Variants in IFFO2 observed in about 807,000 individuals in gnomAD.
IFFO2 encodes the protein intermediate filament family orphan 2.
IFFO2 carries 19 observed loss-of-function variants against 53.5 expected under a neutral mutation model. That is an observed-to-expected ratio of 0.36 (90% CI 0.25 to 0.52). The LOEUF (loss-of-function observed/expected upper bound fraction) is 0.52. Among genes scored for constraint, IFFO2 ranks in the 20% least tolerant of loss-of-function variants. The pLI is 0.94. For synonymous variants in IFFO2, 303 were observed against 313.6 expected (o/e 0.97, Z 0.36); for missense variants, 570 against 727.4 (o/e 0.78, Z 2.49).
intron 1 of IFFO2, among the ~76,000 whole-genome samples, chr1:18,926,305 G>A (rs192797658): frequency 2.2e-4 from 34 of 152,274 alleles, no homozygotes; most frequent in Admixed American, 2.0e-3. Flanking sequence ...TCATCCATTC[G>A]GCTCCAGAGC....
At chr1:18,937,408 G>C (rs1307280544) in intron 1 of IFFO2, among the ~76,000 whole-genome samples, 1 of 152,178 alleles carries the variant, frequency 6.6e-6, no homozygotes, top group African/African-American at 2.4e-5. Context: ...TTAATCCCAG[G>C]CTCCTGTCAT....
In IFFO2 at chr1:18,930,561, C is replaced by T. The variant is rs1464577480; in HGVS notation, c.666-9440G>A. 2.6e-5 allele frequency among the ~76,000 whole-genome samples: 4 copies of T among 152,356 alleles called. No individual in the cohort carries two copies. The East Asian group carries it at 7.7e-4, about 29-fold the overall frequency. On this transcript the variant is annotated intron_variant, in intron 1 of 8. Coordinates refer to ENST00000455833, the MANE Select transcript of IFFO2 (RefSeq NM_001136265.2). ...TCACCGTCCACACCCCATAGACATA[C>T]CCCAGGAACTAATGGGCATGCCCAG...
At chr1:18,929,959 C>A (rs960573622) in intron 1 of IFFO2, among the ~76,000 whole-genome samples, 1 of 152,214 alleles carries the variant, frequency 6.6e-6, no homozygotes, top group Admixed American at 6.5e-5. Flanking sequence ...CACAAAGCCG[C>A]CTGACAAACC....
At chr1:18,926,800 G>A (rs192350117) in intron 1 of IFFO2, among the ~76,000 whole-genome samples, 197 of 152,110 alleles carry the variant, frequency 1.3e-3, no homozygotes, top group Non-Finnish European at 2.4e-3. Flanking sequence ...ACAGAGGGGC[G>A]GAAACCCAAG....
chr1:18,919,679 T>C lies in IFFO2; in HGVS notation c.821A>G (p.Asp274Gly), dbSNP rs1213094972. 1 of 1,550,392 alleles carries C rather than the reference T, an allele frequency of 6.4e-7. No individual in the cohort carries two copies. Among genetic ancestry groups the C allele is most frequent in the Admixed American group, 2.0e-5 (1 of 50,988 alleles). ...CCAGGGGCGGCGGGCGGCACTTACGTCACTCATAAGCCCCTTAAACACCAC... is the reference window on the plus strand; with the variant it reads ...CCAGGGGCGGCGGGCGGCACTTACGCCACTCATAAGCCCCTTAAACACCAC... ...ELVVFKGLMS[D>G]PMTDLDTKIQ... Residue 274 changes from aspartate to glycine, a missense_variant and splice_region_variant, in exon 3 of 9, where the codon GAC (aspartate) becomes GGC (glycine). Transcript: ENST00000455833. The surrounding 1 kb of genome is among the most constrained non-coding windows in gnomAD (Gnocchi z 4.9).
chr1:18,941,470 AC>A (rs1936519707), intron 1 of IFFO2, among the ~76,000 whole-genome samples: 1 of 152,332 alleles, frequency 6.6e-6, no homozygotes, highest in Non-Finnish European at 1.5e-5. Flanking sequence ...CCAGCCTTCA[AC>A]GTCACTCCTC....
intron 1 of IFFO2, among the ~76,000 whole-genome samples, chr1:18,944,934 G>A (rs1244899899): frequency 6.6e-6 from 1 of 152,210 alleles, no homozygotes; most frequent in African/African-American, 2.4e-5. Context: ...AGCATGAGGA[G>A]GGAGGAGGGG....
intron 1 of IFFO2, among the ~76,000 whole-genome samples, chr1:18,929,479 G>C (rs939675678): frequency 6.6e-6 from 1 of 152,222 alleles, no homozygotes; most frequent in Non-Finnish European, 1.5e-5. Flanking sequence ...TTGCTAAGGA[G>C]TTTTCCCAGC....
At chr1:18,937,753 G>A (rs1013462564) in intron 1 of IFFO2, among the ~76,000 whole-genome samples, 3 of 152,334 alleles carry the variant, frequency 2.0e-5, no homozygotes, top group African/African-American at 2.4e-5. Context: ...GCTCCCAACG[G>A]CCTGGCCCAG....
At position 18,928,374 on chromosome 1, in the gene IFFO2, G is replaced by A. The variant is rs1003020572; in HGVS notation, c.666-7253C>T. 3.9e-5 allele frequency among the ~76,000 whole-genome samples: 6 copies of A among 152,210 alleles called. No homozygotes were observed. Among genetic ancestry groups the A allele is most frequent in the African/African-American group, 1.2e-4 (5 of 41,458 alleles). On this transcript the variant is annotated intron_variant, in intron 1 of 8. Transcript: ENST00000455833. The surrounding 1 kb of genome is among the most constrained non-coding windows in gnomAD (Gnocchi z 4.9). ...TTAAATGCCAACTGATTGTCTCCAC[G>A]GAGGAGGTATTAATTTAATGTGAAC...
intron 1 of IFFO2, among the ~76,000 whole-genome samples, chr1:18,925,133 C>T (rs1936265204): frequency 6.6e-6 from 1 of 152,136 alleles, no homozygotes; most frequent in Non-Finnish European, 1.5e-5. Flanking sequence ...CGGTGGTATC[C>T]ACCACATTAG....
chr1:18,934,413 T>C (rs539913221), intron 1 of IFFO2, among the ~76,000 whole-genome samples: 2 of 149,552 alleles, frequency 1.3e-5, no homozygotes, highest in African/African-American at 4.8e-5. Context: ...GGTTCATCCA[T>C]GTTGTAGTGT....
rs1000249566 is a variant in IFFO2 at position 18,916,197 on chromosome 1, G to C, written c.1103+706C>G. Reference sequence around the variant, plus strand: ...TGGGTTCATGACATCCTCAGACACAGACATGTCCAGAGAGAGGACAGCCCA... The same window carrying C: ...TGGGTTCATGACATCCTCAGACACACACATGTCCAGAGAGAGGACAGCCCA... On this transcript the variant is annotated intron_variant, in intron 5 of 8. Coordinates refer to ENST00000455833, the MANE Select transcript of IFFO2 (RefSeq NM_001136265.2). This position sits in a 1 kb window ranked among gnomAD's most constrained non-coding sequence, Gnocchi z 4.3. Among the ~76,000 whole-genome samples, 2 of 152,064 alleles carry C rather than the reference G, an allele frequency of 1.3e-5. No individual in the cohort carries two copies. Among genetic ancestry groups the C allele is most frequent in the Non-Finnish European group, 2.9e-5 (2 of 68,018 alleles).
chr1:18,937,803 T>A (rs1025893001), intron 1 of IFFO2, among the ~76,000 whole-genome samples: 1 of 152,258 alleles, frequency 6.6e-6, no homozygotes. Flanking sequence ...CTCAGATGGA[T>A]GGAGGGTCCT....
At chr1:18,908,995 AG>A (rs1935992833) in intron 8 of IFFO2, among the ~76,000 whole-genome samples, 1 of 151,864 alleles carries the variant, frequency 6.6e-6, no homozygotes, top group Non-Finnish European at 1.5e-5. Flanking sequence ...TGAATGACTC[AG>A]AGCTCAAAAG....
At chr1:18,940,956 CT>C (rs1211492587) in intron 1 of IFFO2, among the ~76,000 whole-genome samples, 2 of 152,186 alleles carry the variant, frequency 1.3e-5, no homozygotes, top group African/African-American at 4.8e-5. Context: ...TTAGAATTCC[CT>C]TTCCAAAGCT....
intron 1 of IFFO2, among the ~76,000 whole-genome samples, chr1:18,944,276 A>C (rs1001718834): frequency 6.6e-6 from 1 of 152,202 alleles, no homozygotes. Flanking sequence ...TGGAAGCAGG[A>C]GGATGGATGA....
In IFFO2 at chr1:18,919,746, C is replaced by G; in HGVS notation, c.754G>C (p.Glu252Gln). ...CGCTCGATCTTCTCATTCATCTCCT[C>G]CTGGATGGCATCAGCCTCCTGTGCT... ...EAAQEADAIQ[E>Q]EMNEKIERLK... The change falls in exon 3 of 9, where the codon GAG (glutamate) becomes CAG (glutamine). Residue 252 changes from glutamate (E) to glutamine (Q), a missense_variant. Physicochemically the swap from Glu to Gln is conservative, Grantham distance 29 (BLOSUM62 2). Coordinates refer to ENST00000455833, the MANE Select transcript of IFFO2 (RefSeq NM_001136265.2). The surrounding 1 kb of genome is among the most constrained non-coding windows in gnomAD (Gnocchi z 4.9). The G allele has an allele frequency of 6.4e-7, 1 of 1,551,632 alleles. No individual in the cohort carries two copies. Among genetic ancestry groups the G allele is most frequent in the Non-Finnish European group, 8.7e-7 (1 of 1,146,954 alleles).
intron 1 of IFFO2, among the ~76,000 whole-genome samples, chr1:18,932,556 C>T (rs1458480375): frequency 6.6e-6 from 1 of 152,236 alleles, no homozygotes; most frequent in African/African-American, 2.4e-5. Flanking sequence ...CAGGGGCTAA[C>T]GGAAGAACCT....
Sources: gnomAD v4.1 joint callset for allele counts (sites outside exome capture counted in the v4.1 genomes callset) on GRCh38, gnomAD v4.1.1 for gene constraint, Gnocchi (gnomAD v3.1) non-coding constraint, MANE v1.5 for transcripts, NCBI Gene and HGNC (gene_info 2026-07-23, HGNC 2026-07-21) for gene names.